The following CDH18 variants were observed in gnomAD, a reference collection of about 807,000 sequenced individuals.
CDH18 encodes cadherin 18, also known as cadherin-18.
A neutral mutation model predicts 67.9 loss-of-function variants in CDH18; 31 were observed. The ratio of observed to expected loss-of-function variants is 0.46; its 90% CI spans 0.34 to 0.62. The LOEUF (loss-of-function observed/expected upper bound fraction) is 0.62, where lower values mean the gene tolerates loss of function less well. CDH18 is among the 20% of genes least tolerant of loss of function. CDH18 has a pLI of 0.01. For missense variants in CDH18, 890 were observed against 975.5 expected (o/e 0.91, Z 1.17); for synonymous variants, 362 against 347.2 (o/e 1.04, Z -0.48).
At chr5:19,532,930 G>A (rs66646185) in intron 9 of CDH18, among the ~76,000 whole-genome samples, 1 of 152,044 alleles carries the variant, frequency 6.6e-6, no homozygotes, top group Non-Finnish European at 1.5e-5. Context: ...GATTGAGGGA[G>A]AAATCAGATT....
intron 2 of CDH18, among the ~76,000 whole-genome samples, chr5:19,944,574 A>G (rs1043143198): frequency 6.6e-6 from 1 of 152,162 alleles, no homozygotes; most frequent in Non-Finnish European, 1.5e-5. Flanking sequence ...CTGTTTTTGT[A>G]GTTCTTTCTG....
chr5:19,525,016 A>G (rs942081387), intron 9 of CDH18, among the ~76,000 whole-genome samples: 22 of 152,226 alleles, frequency 1.4e-4, no homozygotes, highest in Middle Eastern at 3.4e-3. Context: ...AAGTGCTGGG[A>G]TTACAGGCGT....
At chr5:20,539,598 T>C (rs970148999) in intron 1 of CDH18, among the ~76,000 whole-genome samples, 2 of 151,906 alleles carry the variant, frequency 1.3e-5, no homozygotes, top group Non-Finnish European at 2.9e-5. Context: ...GAGAAAGAGG[T>C]AGAAGTACAT....
intron 1 of CDH18, chr5:20,305,705 G>T (rs1275207556): frequency 1.7e-5 from 7 of 412,912 alleles, no homozygotes; most frequent in Non-Finnish European, 2.2e-5. Context: ...GAGGCGGCGA[G>T]ACGCGCCGGT....
At chr5:19,555,515 C>T (rs777470070) in intron 8 of CDH18, among the ~76,000 whole-genome samples, 1 of 152,272 alleles carries the variant, frequency 6.6e-6, no homozygotes, top group East Asian at 1.9e-4. Context: ...TCCCCCACTT[C>T]CCTGGTGAGC....
chr5:20,325,523 C>T (rs1490893021), intron 1 of CDH18, among the ~76,000 whole-genome samples: 1 of 152,054 alleles, frequency 6.6e-6, no homozygotes, highest in Non-Finnish European at 1.5e-5. Context: ...CCACTGTGAC[C>T]CTATGACCGC....
At chr5:20,142,581 GAAA>G (rs1441172760) in intron 2 of CDH18, among the ~76,000 whole-genome samples, 1 of 128,666 alleles carries the variant, frequency 7.8e-6, no homozygotes. Flanking sequence ...CTCTGCCTCA[GAAA>G]AAAAAAAAAA....
At chr5:19,857,009 G>C (rs1175119357) in intron 2 of CDH18, among the ~76,000 whole-genome samples, 1 of 152,090 alleles carries the variant, frequency 6.6e-6, no homozygotes, top group African/African-American at 2.4e-5. Flanking sequence ...GATCACTTGA[G>C]GCCAGGAGTT....
At chr5:20,146,849 AT>A (rs1397488711) in intron 2 of CDH18, among the ~76,000 whole-genome samples, 1 of 151,994 alleles carries the variant, frequency 6.6e-6, no homozygotes, top group Admixed American at 6.6e-5. Flanking sequence ...AAGAACAATG[AT>A]TTCTTTATAC....
rs780722499 is a variant in CDH18 at position 19,483,384 on chromosome 5, C to T, written c.1799G>A (p.Cys600Tyr). ...ACERDGRVRTCHAEAFLSSAG... is the reference protein window; with the variant it reads ...ACERDGRVRTYHAEAFLSSAG... ...CGAGGACAGGAAGGCTTCTGCATGGCAGGTCCGCACACGCCCATCTCTCTC... is the reference window on the plus strand; with the variant it reads ...CGAGGACAGGAAGGCTTCTGCATGGTAGGTCCGCACACGCCCATCTCTCTC... The change falls in exon 12 of 13, where the codon TGC (cysteine) becomes TAC (tyrosine). Residue 600 changes from cysteine (C) to tyrosine (Y), a missense_variant. Physicochemically the swap from Cys to Tyr is radical, Grantham distance 194 (BLOSUM62 -2). Transcript: ENST00000382275. The T allele has an allele frequency of 6.2e-7, 1 of 1,614,114 alleles. No individual in the cohort carries two copies. The highest frequency in any genetic ancestry group is 1.3e-5 in the African/African-American group (1 of 75,028).
intron 1 of CDH18, among the ~76,000 whole-genome samples, chr5:20,460,970 C>T (rs1302407755): frequency 6.6e-6 from 1 of 152,154 alleles, no homozygotes; most frequent in Admixed American, 6.5e-5. Flanking sequence ...AATCACATCT[C>T]ATTTAAAATG....
intron 2 of CDH18, among the ~76,000 whole-genome samples, chr5:20,119,459 T>A (rs1748177517): frequency 6.6e-6 from 1 of 152,206 alleles, no homozygotes; most frequent in Admixed American, 6.5e-5. Context: ...TATAAATATC[T>A]GTGTATGTGT....
chr5:20,222,462 AGGAAGT>A (rs1741306432), intron 2 of CDH18, among the ~76,000 whole-genome samples: 1 of 152,180 alleles, frequency 6.6e-6, no homozygotes, highest in Non-Finnish European at 1.5e-5. Flanking sequence ...ATTTTCATCC[AGGAAGT>A]GCAGCTTCCT....
intron 1 of CDH18, among the ~76,000 whole-genome samples, chr5:20,342,410 C>G (rs960225533): frequency 6.6e-6 from 1 of 152,118 alleles, no homozygotes; most frequent in Non-Finnish European, 1.5e-5. Flanking sequence ...CCTGAGGGAA[C>G]AGTGATGGCC....
At chr5:20,271,194 A>T (rs1032811964) in intron 1 of CDH18, among the ~76,000 whole-genome samples, 1 of 152,072 alleles carries the variant, frequency 6.6e-6, no homozygotes, top group Non-Finnish European at 1.5e-5. Context: ...GAGGAAACTT[A>T]TTTTTTCACT....
In CDH18 at chr5:20,354,323, T is replaced by G. The variant is rs189660620; in HGVS notation, c.-579-98818A>C. On this transcript the variant is annotated intron_variant, in intron 1 of 14. Transcript: ENST00000507958. Reference sequence around the variant, plus strand: ...AACATTTTTTAACATACGTTAAATTTAGCAAAACTATTTATAATTTTATTC... The same window carrying G: ...AACATTTTTTAACATACGTTAAATTGAGCAAAACTATTTATAATTTTATTC... 3.3e-3 allele frequency among the ~76,000 whole-genome samples: 504 copies of G among 152,340 alleles called. 3 individuals are homozygous for G. Among genetic ancestry groups the G allele is most frequent in the Non-Finnish European group, 4.8e-3 (329 of 68,026 alleles).
At chr5:19,932,682 T>C (rs60279292) in intron 2 of CDH18, among the ~76,000 whole-genome samples, 4,797 of 151,754 alleles carry the variant, frequency 0.032, 289 homozygotes, top group East Asian at 0.27. Flanking sequence ...CCTGACCCAA[T>C]AGTCCAATGA....
intron 2 of CDH18, among the ~76,000 whole-genome samples, chr5:20,041,504 TA>T (rs1417656850): frequency 3.9e-5 from 6 of 152,210 alleles, no homozygotes; most frequent in Non-Finnish European, 8.8e-5. Flanking sequence ...TTGAAATGAT[TA>T]AACATTTCAG....
chr5:19,603,853 A>G (rs1747579406), intron 6 of CDH18, among the ~76,000 whole-genome samples: 1 of 149,672 alleles, frequency 6.7e-6, no homozygotes, highest in African/African-American at 2.4e-5. Flanking sequence ...TAAAATATAT[A>G]TAAATTATGT....
Sources: allele counts gnomAD v4.1 joint callset (sites outside exome capture counted in the v4.1 genomes callset), GRCh38; gene constraint gnomAD v4.1.1; transcripts MANE v1.5; gene names NCBI Gene and HGNC (gene_info 2026-07-23, HGNC 2026-07-21).